The following PPP4R2 variants were observed in gnomAD, a reference collection of about 807,000 sequenced individuals.
PPP4R2 encodes serine/threonine-protein phosphatase 4 regulatory subunit 2.
A neutral mutation model predicts 47.2 loss-of-function variants in PPP4R2; 13 were observed. The ratio of observed to expected loss-of-function variants is 0.28; its 90% CI spans 0.18 to 0.44. The LOEUF (loss-of-function observed/expected upper bound fraction) is 0.44. Ranked by LOEUF, PPP4R2 falls within the 20% of genes least tolerant of loss-of-function variation. The pLI is 1.00. For missense variants in PPP4R2, 421 were observed against 491.2 expected (o/e 0.86, Z 1.35); for synonymous variants, 151 against 163.3 (o/e 0.92, Z 0.57).
At chr3:73,021,289 A>G (rs1020506112) in intron 2 of PPP4R2, among the ~76,000 whole-genome samples, 1 of 149,734 alleles carries the variant, frequency 6.7e-6, no homozygotes, top group African/African-American at 2.5e-5. Flanking sequence ...CTGGGGGTGC[A>G]GTGGCAAGAT....
chr3:73,064,321 GACAA>G (rs1702937469), intron 7 of PPP4R2, among the ~76,000 whole-genome samples, 175 bp downstream of exon 7: 2 of 152,176 alleles, frequency 1.3e-5, no homozygotes, highest in Non-Finnish European at 1.5e-5. Context: ...GGTGGACATA[GACAA>G]GACTTAAAAC....
chr3:73,052,420 C>A (rs1702635243), intron 3 of PPP4R2, among the ~76,000 whole-genome samples: 1 of 151,796 alleles, frequency 6.6e-6, no homozygotes, highest in African/African-American at 2.4e-5. Context: ...AATTAAAAGA[C>A]CATTTTATGC....
chr3:73,033,442 T>G (rs1442450547), intron 2 of PPP4R2, among the ~76,000 whole-genome samples: 3 of 152,228 alleles, frequency 2.0e-5, no homozygotes, highest in African/African-American at 7.2e-5. Flanking sequence ...TTGGTCACTC[T>G]TCAGCAACTC....
chr3:73,027,534 A>G (rs1036095143), intron 2 of PPP4R2, among the ~76,000 whole-genome samples: 1 of 152,184 alleles, frequency 6.6e-6, no homozygotes, highest in African/African-American at 2.4e-5. Flanking sequence ...GTTTGTAGAC[A>G]TTATTCCCAC....
intron 2 of PPP4R2, among the ~76,000 whole-genome samples, chr3:73,031,639 T>C (rs1160482808): frequency 6.6e-6 from 1 of 152,050 alleles, no homozygotes. Flanking sequence ...GGAGACTTTA[T>C]CCTCTCTGAT....
At chr3:73,062,886 C>T (rs749118107) in intron 5 of PPP4R2, 28 of 1,611,070 alleles carry the variant, frequency 1.7e-5, no homozygotes, top group Middle Eastern at 1.6e-4. Flanking sequence ...ACACAAGCTA[C>T]GCAAGTCAAG....
chr3:73,048,166 C>T (rs1179262501), intron 3 of PPP4R2, among the ~76,000 whole-genome samples: 3 of 152,226 alleles, frequency 2.0e-5, no homozygotes, highest in Non-Finnish European at 4.4e-5. Flanking sequence ...TGAGCCACCA[C>T]GCCCGGCAGT....
At chr3:73,041,378 T>C (rs190777102) in intron 2 of PPP4R2, among the ~76,000 whole-genome samples, 6 of 152,346 alleles carry the variant, frequency 3.9e-5, no homozygotes, top group Non-Finnish European at 7.3e-5. Context: ...ACTCAGTGTT[T>C]TCTTACTTTT....
chr3:73,002,604 TTTTTC>T (rs67976074), intron 2 of PPP4R2, among the ~76,000 whole-genome samples: 3,452 of 99,960 alleles, frequency 0.035, 112 homozygotes, highest in Non-Finnish European at 0.039. Flanking sequence ...TGCACAGGGA[TTTTTC>T]TTTTCTTTTC....
intron 2 of PPP4R2, among the ~76,000 whole-genome samples, chr3:73,012,137 T>C (rs1701737871): frequency 6.6e-6 from 1 of 152,216 alleles, no homozygotes; most frequent in Admixed American, 6.5e-5. Flanking sequence ...TAAAGTGGTA[T>C]AATATTTGCA....
At chr3:73,052,240 T>C (rs986412890) in intron 3 of PPP4R2, among the ~76,000 whole-genome samples, 3 of 114,878 alleles carry the variant, frequency 2.6e-5, no homozygotes, top group African/African-American at 3.7e-5. Context: ...TTAATTTCTT[T>C]CTTTTCTTTT....
chr3:73,048,461 G>A (rs868283941), intron 3 of PPP4R2, among the ~76,000 whole-genome samples: 11 of 150,682 alleles, frequency 7.3e-5, no homozygotes, highest in African/African-American at 2.7e-4. Flanking sequence ...TCACCATGCT[G>A]GCCAGGCTGG....
intron 2 of PPP4R2, among the ~76,000 whole-genome samples, chr3:73,041,781 G>A (rs536022095): frequency 6.6e-6 from 1 of 152,352 alleles, no homozygotes; most frequent in South Asian, 2.1e-4. Context: ...AAGGTGGTTG[G>A]CCGCTGGCCA....
rs548131272 is a variant in PPP4R2, at chr3:73,003,274, C to T, written c.116+5116C>T. Among the ~76,000 whole-genome samples the T allele has an allele frequency of 3.3e-5, 5 of 151,004 alleles. No homozygotes were observed. The South Asian group carries it at 6.3e-4, about 19-fold the overall frequency. On this transcript the variant is annotated intron_variant, in intron 2 of 8. Transcript: ENST00000356692. ...TTGCCCAGGCTGGAGTGCAGTGGTGCGATCACAGCTCACCGCAACCTCTGC... is the reference window on the plus strand; with the variant it reads ...TTGCCCAGGCTGGAGTGCAGTGGTGTGATCACAGCTCACCGCAACCTCTGC...
chr3:73,064,198 A>T (rs778430203), intron 7 of PPP4R2, 52 bp downstream of exon 7: 1 of 1,466,580 alleles, frequency 6.8e-7, no homozygotes. Context: ...GTTAAAGTTA[A>T]CATTTAATCA....
intron 3 of PPP4R2, among the ~76,000 whole-genome samples, chr3:73,058,054 T>C (rs758425344): frequency 1.4e-4 from 21 of 152,118 alleles, no homozygotes; most frequent in Non-Finnish European, 2.8e-4. Flanking sequence ...TGCTGTTCTG[T>C]TCAGCTTGTA....
At chr3:73,062,723 A>G in intron 5 of PPP4R2, 1 of 1,614,028 alleles carries the variant, frequency 6.2e-7, no homozygotes. Flanking sequence ...GATTCAAGGC[A>G]ATGATGGCAT....
intron 7 of PPP4R2, 100 bp from the exon 8 acceptor site, chr3:73,064,752 C>T: frequency 9.6e-7 from 1 of 1,042,710 alleles, no homozygotes; most frequent in Non-Finnish European, 1.4e-6. Context: ...TTAACTTTGA[C>T]ACTGAAATAC....
chr3:73,051,487 A>T (rs1575879617), intron 3 of PPP4R2, among the ~76,000 whole-genome samples: 1 of 152,078 alleles, frequency 6.6e-6, no homozygotes, highest in Non-Finnish European at 1.5e-5. Context: ...TTCTTTTGCT[A>T]ATTTTCTTAC....
Sources: gnomAD v4.1 joint callset for allele counts (sites outside exome capture counted in the v4.1 genomes callset) on GRCh38, gnomAD v4.1.1 for gene constraint, MANE v1.5 for transcripts, NCBI Gene and HGNC (gene_info 2026-07-23, HGNC 2026-07-21) for gene names.